MAPK14: variants seen among roughly 807,000 people sequenced by gnomAD.
MAPK14 encodes the protein mitogen-activated protein kinase 14, also known as CSAID-binding protein.
Under a neutral mutation model 49.6 loss-of-function variants are expected in MAPK14, and 16 were observed. That is an observed-to-expected ratio of 0.32 (90% confidence interval 0.22 to 0.49). MAPK14 has a LOEUF of 0.49. Among genes scored for constraint, MAPK14 ranks in the 20% least tolerant of loss-of-function variants. The probability of loss-of-function intolerance (pLI) is 0.99; values close to 1 mark genes in which losing one functional copy is unlikely to be tolerated. For synonymous variants in MAPK14, 142 were observed against 158.0 expected, an observed-to-expected ratio of 0.90 and a Z score of 0.76; for missense variants, 200 against 441.2, an observed-to-expected ratio of 0.45 and a Z score of 4.90.
chr6:36,056,495 A>T (rs1763594482), intron 2 of MAPK14, among the ~76,000 whole-genome samples: 1 of 152,236 alleles, frequency 6.6e-6, no homozygotes, highest in Non-Finnish European at 1.5e-5. Context: ...CGTTATTGGA[A>T]TGAAGAAATT....
At chr6:36,030,548 G>A (rs1475925957) in intron 1 of MAPK14, among the ~76,000 whole-genome samples, 6 of 151,898 alleles carry the variant, frequency 4.0e-5, no homozygotes, top group Admixed American at 2.6e-4. Context: ...TTAGCCGCCC[G>A]TGGTGGCGGG....
Position 36,107,542 on chromosome 6 carries a change from A to G in MAPK14, c.929A>G (p.Gln310Arg). Residue 310 changes from glutamine (Q) to arginine (R), a missense_variant, in exon 11 of 12, where the codon CAG becomes CGG. By Grantham distance (43) the Gln-to-Arg change is conservative (BLOSUM62 1). Coordinates refer to ENST00000229794, the MANE Select transcript of MAPK14 (RefSeq NM_139012.3). The surrounding 1 kb of genome is among the most constrained non-coding windows in gnomAD (Gnocchi z 4.3). Reference sequence around the variant, plus strand: ...GCCCTTGCACATGCCTACTTTGCTCAGTACCACGATCCTGATGATGAACCA... The same window carrying G: ...GCCCTTGCACATGCCTACTTTGCTCGGTACCACGATCCTGATGATGAACCA... ...AQALAHAYFAQYHDPDDEPVA... is the reference protein window; with the variant it reads ...AQALAHAYFARYHDPDDEPVA... 1 of 1,607,098 alleles carries G rather than the reference A, an allele frequency of 6.2e-7. No homozygotes were observed.
At chr6:36,074,838 T>A (rs376762562) in intron 6 of MAPK14, among the ~76,000 whole-genome samples, 1 of 151,718 alleles carries the variant, frequency 6.6e-6, no homozygotes, top group East Asian at 2.0e-4. Flanking sequence ...ATGGTGTCGA[T>A]CTCCTGACCT....
At chr6:36,055,494 T>C (rs1763559293) in intron 2 of MAPK14, among the ~76,000 whole-genome samples, 1 of 152,170 alleles carries the variant, frequency 6.6e-6, no homozygotes, top group South Asian at 2.1e-4. Context: ...ATTAGAGATA[T>C]TTGCTGCTTA....
At chr6:36,057,827 TTG>T (rs1763645496) in intron 2 of MAPK14, among the ~76,000 whole-genome samples, 1 of 152,220 alleles carries the variant, frequency 6.6e-6, no homozygotes, top group African/African-American at 2.4e-5. Context: ...TTCTAGAGCT[TTG>T]TGTTTAAGTT....
intron 1 of MAPK14, among the ~76,000 whole-genome samples, chr6:36,050,723 T>G (rs1275440956): frequency 2.0e-5 from 3 of 152,190 alleles, no homozygotes; most frequent in Admixed American, 6.5e-5. Flanking sequence ...GTAATGGTCC[T>G]GAAGTGGTAA....
intron 8 of MAPK14, among the ~76,000 whole-genome samples, chr6:36,083,503 T>G (rs571599973): frequency 4.8e-4 from 73 of 152,270 alleles, no homozygotes; most frequent in Non-Finnish European, 8.5e-4. Context: ...TCTGCTGTTT[T>G]CCCCTGCTGG....
In MAPK14 at chr6:36,076,568, C is replaced by G. The variant is rs201451587; in HGVS notation, c.642C>G (p.Ala214=). ...TTTGGTCAGTGGGATGCATAATGGC[C>G]GAGCTGTTGACTGGAAGAACATTGT... ...VDIWSVGCIM[A]ELLTGRTLFP... is the part of the protein sequence containing the mutation. Residue 214 remains alanine, a synonymous_variant, in exon 8 of 12, where the codon GCC becomes GCG. Coordinates refer to ENST00000229794, the MANE Select transcript of MAPK14 (RefSeq NM_139012.3). 7.7e-5 allele frequency: 125 copies of G among 1,613,884 alleles called. No individual in the cohort carries two copies. Among genetic ancestry groups the G allele is most frequent in the South Asian group, 1.3e-4 (12 of 91,074 alleles).
At chr6:36,099,098 G>A (rs1733757452) in intron 9 of MAPK14, among the ~76,000 whole-genome samples, 1 of 152,212 alleles carries the variant, frequency 6.6e-6, no homozygotes, top group South Asian at 2.1e-4. Flanking sequence ...GTTCAGTTCA[G>A]AGGACGAGCT....
intron 9 of MAPK14, among the ~76,000 whole-genome samples, chr6:36,098,998 C>T (rs573437697): frequency 3.3e-4 from 50 of 152,264 alleles, no homozygotes; most frequent in African/African-American, 1.2e-3. Flanking sequence ...GCTTAGGGAG[C>T]GTAAAAGGCA....
the MAPK14 span, among the ~76,000 whole-genome samples, chr6:36,123,439 AG>A: frequency 6.6e-6 from 1 of 152,202 alleles, no homozygotes; most frequent in Non-Finnish European, 1.5e-5. Context: ...CAGACTGAAC[AG>A]TGACCACACA....
Position 36,108,591 on chromosome 6 carries a change from TTA to T in MAPK14, c.*145_*146del. Reference sequence around the variant, plus strand: ...GGGTGTGCGTGCGTGTGCGTGCGTGTTAGTGTGTGTGCATGTGTGTGTCTGTC... The same window carrying T: ...GGGTGTGCGTGCGTGTGCGTGCGTGTGTGTGTGTGCATGTGTGTGTCTGTC... On this transcript the variant is annotated 3_prime_UTR_variant, in exon 12 of 12. Transcript: ENST00000229794. The T allele has an allele frequency of 1.5e-6, 1 of 677,050 alleles. No individual in the cohort carries two copies. Among genetic ancestry groups the T allele is most frequent in the Non-Finnish European group, 2.7e-6 (1 of 372,570 alleles). 41.9% of individuals were successfully genotyped at this position (677,050 alleles called of 1,614,324 possible).
chr6:36,069,970 A>G (rs1013887234), intron 3 of MAPK14, among the ~76,000 whole-genome samples: 1 of 152,164 alleles, frequency 6.6e-6, no homozygotes, highest in Non-Finnish European at 1.5e-5. Context: ...TTATTATCCA[A>G]TGTCAAAAAA....
intron 9 of MAPK14, among the ~76,000 whole-genome samples, chr6:36,101,750 G>A (rs7766913): frequency 1.2e-4 from 19 of 152,154 alleles, no homozygotes; most frequent in East Asian, 3.9e-4. Context: ...GGGCTCAAGC[G>A]ATCTGCCCAC....
In MAPK14 at chr6:36,104,072, G is replaced by C. The variant is rs143389094; in HGVS notation, c.841+1423G>C. Among the ~76,000 whole-genome samples the C allele has an allele frequency of 1.0e-3, 155 of 152,320 alleles. 1 individual carries two copies. The highest frequency in any genetic ancestry group is 3.6e-3 in the African/African-American group (149 of 41,564). The stretch of plus-strand genomic sequence containing the variant: ...TATGGAGAGGAATTTTAGTGTCGCT[G>C]TGATAATTCTTATAATAGCAGAGAT... On this transcript the variant is annotated intron_variant, in intron 10 of 11. Transcript: ENST00000229794.
intron 1 of MAPK14, among the ~76,000 whole-genome samples, chr6:36,043,812 T>C (rs1161073485): frequency 2.2e-5 from 3 of 134,984 alleles, no homozygotes; most frequent in Non-Finnish European, 3.3e-5. Flanking sequence ...TTCTTTTTTT[T>C]TTTTTTTTTT....
intron 1 of MAPK14, among the ~76,000 whole-genome samples, chr6:36,037,753 A>G (rs1399192358): frequency 1.3e-5 from 2 of 152,122 alleles, no homozygotes; most frequent in African/African-American, 4.8e-5. Context: ...TGGGAGGCCA[A>G]GGTAGGTTTC....
Position 36,099,026 on chromosome 6 carries a change from C to G in MAPK14, c.762+2960C>G, listed in dbSNP as rs114976245. 9.1e-3 allele frequency among the ~76,000 whole-genome samples: 1,392 copies of G among 152,322 alleles called. 19 individuals are homozygous for G. Among genetic ancestry groups the G allele is most frequent in the African/African-American group, 0.032 (1,339 of 41,566 alleles). ...AAAAGGCAGCGTGGAGCACATGGCT[C>G]TAGCTCCCTCCCTGTGGCCAGCCTT... On this transcript the variant is annotated intron_variant, in intron 9 of 11. Coordinates refer to ENST00000229794, the MANE Select transcript of MAPK14 (RefSeq NM_139012.3).
At chr6:36,038,375 A>C (rs935288914) in intron 1 of MAPK14, among the ~76,000 whole-genome samples, 1 of 152,316 alleles carries the variant, frequency 6.6e-6, no homozygotes, top group South Asian at 2.1e-4. Flanking sequence ...GGCCAAATAT[A>C]GGGAGAAAAG....
Sources: gnomAD v4.1 joint callset for allele counts (sites outside exome capture counted in the v4.1 genomes callset) on GRCh38, gnomAD v4.1.1 for gene constraint, Gnocchi (gnomAD v3.1) non-coding constraint, MANE v1.5 for transcripts, NCBI Gene and HGNC (gene_info 2026-07-23, HGNC 2026-07-21) for gene names.